The following JPH3 variants were observed in gnomAD, a reference collection of about 807,000 sequenced individuals.
JPH3 encodes the protein junctophilin-3.
Under a neutral mutation model 59.6 loss-of-function variants are expected in JPH3, and 11 were observed. The observed-to-expected ratio is 0.18, with a 90% CI of 0.12 to 0.31. The LOEUF (loss-of-function observed/expected upper bound fraction) is 0.31. Among genes scored for constraint, JPH3 ranks in the 10% least tolerant of loss-of-function variants. JPH3 has a pLI of 1.00. For synonymous variants in JPH3, 673 were observed against 483.6 expected, an observed-to-expected ratio of 1.39 and a Z score of -5.14; for missense variants, 1,202 against 1,105.7, an observed-to-expected ratio of 1.09 and a Z score of -1.24.
intron 1 of JPH3, among the ~76,000 whole-genome samples, chr16:87,637,012 C>T (rs895048701): frequency 2.6e-5 from 4 of 152,226 alleles, no homozygotes; most frequent in African/African-American, 9.6e-5. Flanking sequence ...GTCAGGCCTC[C>T]ACAAGGCCCT....
intron 2 of JPH3, among the ~76,000 whole-genome samples, chr16:87,677,215 CACACACACACAAAAAA>C (rs1371114383): frequency 2.2e-4 from 28 of 125,702 alleles, no homozygotes; most frequent in African/African-American, 9.4e-4. Context: ...CACACACACA[CACACACACACAAAAAA>C]AAAAATTAGC....
At chr16:87,641,132 G>T (rs2031936722) in intron 1 of JPH3, among the ~76,000 whole-genome samples, 1 of 152,240 alleles carries the variant, frequency 6.6e-6, no homozygotes, top group Non-Finnish European at 1.5e-5. Flanking sequence ...TGCCCCCAGT[G>T]CTGGGACCTC....
Position 87,674,822 on chromosome 16 carries a change from G to A in JPH3, c.1161-9320G>A, listed in dbSNP as rs897578791. 5.5e-4 allele frequency among the ~76,000 whole-genome samples: 84 copies of A among 152,046 alleles called. 1 individual carries two copies. Among genetic ancestry groups the A allele is most frequent in the Non-Finnish European group, 1.5e-4 (10 of 68,008 alleles). ...GTCGCCCAGGCTGGAATGCAGTGGC[G>A]CGATCTTGTCTCGCTGCAACCTCTG... On this transcript the variant is annotated intron_variant, in intron 2 of 4. Transcript: ENST00000284262.
At chr16:87,620,626 T>C (rs2031151507) in intron 1 of JPH3, among the ~76,000 whole-genome samples, 1 of 152,138 alleles carries the variant, frequency 6.6e-6, no homozygotes, top group African/African-American at 2.4e-5. Context: ...CAGGTTTTGA[T>C]GGTGCTGTTT....
rs2033523232 is a variant in JPH3 at position 87,690,021 on chromosome 16, A to C, written c.1661A>C (p.Asp554Ala). 2.0e-6 allele frequency: 3 copies of C among 1,531,648 alleles called. No individual in the cohort carries two copies. The African/African-American group carries it at 4.2e-5, about 21-fold the overall frequency. The allele number at this position is 1,531,648 out of a possible 1,614,324, so 94.9% of individuals were successfully genotyped here. ...GCCCTGCGCGGCGGCCTGCTCGTGG[A>C]TGACTTCCGCACCCGAGGTTCGGGC... ...SGALRGGLLV[D>A]DFRTRGSGRK... The change falls in exon 4 of 5, where the codon GAT (aspartate) becomes GCT (alanine). Residue 554 changes from aspartate (D) to alanine (A), a missense_variant. Coordinates refer to ENST00000284262, the MANE Select transcript of JPH3 (RefSeq NM_020655.4).
At chr16:87,662,230 C>G (rs1187503282) in intron 2 of JPH3, among the ~76,000 whole-genome samples, 1 of 152,106 alleles carries the variant, frequency 6.6e-6, no homozygotes, top group African/African-American at 2.4e-5. Context: ...GCAAGATATC[C>G]TACGCTGCCG....
intron 1 of JPH3, among the ~76,000 whole-genome samples, chr16:87,626,547 A>C (rs971077742): frequency 6.6e-6 from 1 of 152,224 alleles, no homozygotes; most frequent in Non-Finnish European, 1.5e-5. Context: ...GTGCCGGCTC[A>C]TAGCTACACA....
chr16:87,606,768 C>G (rs2030536371), intron 1 of JPH3, among the ~76,000 whole-genome samples: 1 of 152,178 alleles, frequency 6.6e-6, no homozygotes, highest in African/African-American at 2.4e-5. Flanking sequence ...ATGTCACTTA[C>G]AATGATCATT....
At chr16:87,666,698 G>C (rs1416131338) in intron 2 of JPH3, among the ~76,000 whole-genome samples, 1 of 152,186 alleles carries the variant, frequency 6.6e-6, no homozygotes, top group African/African-American at 2.4e-5. Flanking sequence ...GTCTCCCACA[G>C]TGCTGGGATT....
chr16:87,676,744 TTG>T (rs2033150460), intron 2 of JPH3, among the ~76,000 whole-genome samples: 1 of 148,070 alleles, frequency 6.8e-6, no homozygotes, highest in Admixed American at 6.7e-5. Context: ...AAAAAAAAAA[TTG>T]TTATCTCAGC....
chr16:87,643,493 C>G (rs1301569201), intron 1 of JPH3, among the ~76,000 whole-genome samples: 1 of 152,094 alleles, frequency 6.6e-6, no homozygotes, highest in Non-Finnish European at 1.5e-5. Context: ...ACTGTGTGGT[C>G]TTCCTGGATA....
chr16:87,664,331 G>GA (rs71389874), intron 2 of JPH3, among the ~76,000 whole-genome samples: 29,865 of 127,394 alleles, frequency 0.23, 4,526 homozygotes, highest in African/African-American at 0.45. Context: ...GACTCTGTCT[G>GA]AAAAAAAAAA....
chr16:87,630,335 A>C (rs2031525266), intron 1 of JPH3, among the ~76,000 whole-genome samples: 1 of 152,076 alleles, frequency 6.6e-6, no homozygotes, highest in African/African-American at 2.4e-5. Flanking sequence ...TGCCACAATC[A>C]TCTTCCTCAC....
intron 2 of JPH3, among the ~76,000 whole-genome samples, chr16:87,677,222 AC>A (rs60578289): frequency 0.021 from 2,540 of 119,178 alleles, 41 homozygotes; most frequent in Admixed American, 0.033. Context: ...ACACACACAC[AC>A]ACAAAAAAAA....
intron 2 of JPH3, among the ~76,000 whole-genome samples, chr16:87,652,410 T>C (rs1427542330): frequency 1.3e-5 from 2 of 152,276 alleles, no homozygotes; most frequent in East Asian, 1.9e-4. Flanking sequence ...AGATTTGCAA[T>C]TTTTTAAGAT....
chr16:87,694,157 G>A (rs1029765525), intron 4 of JPH3: 1 of 152,338 alleles, frequency 6.6e-6, no homozygotes, highest in Non-Finnish European at 1.5e-5. Flanking sequence ...ACTGGACCAG[G>A]AGGAGGAGGG....
chr16:87,632,323 G>T (rs1466192386), intron 1 of JPH3, among the ~76,000 whole-genome samples: 1 of 152,244 alleles, frequency 6.6e-6, no homozygotes, highest in Non-Finnish European at 1.5e-5. Context: ...CCTCTGCCTG[G>T]TGGGCTTGTC....
intron 1 of JPH3, among the ~76,000 whole-genome samples, chr16:87,633,860 C>G (rs995009397): frequency 1.3e-5 from 2 of 152,014 alleles, no homozygotes; most frequent in African/African-American, 4.8e-5. Flanking sequence ...CTCTTATAGT[C>G]TTTTCTGAGG....
chr16:87,697,802 C>T lies in JPH3; in HGVS notation c.*1142C>T, dbSNP rs1441195972. ...GTACAATGTAACTTGTTCAGTCCAA[C>T]AAAAACAGGTTCCTTATGTTTCTGC... is the stretch of plus-strand genomic sequence containing the variant. On this transcript the variant is annotated 3_prime_UTR_variant, in exon 5 of 5. Coordinates refer to ENST00000284262, the MANE Select transcript of JPH3 (RefSeq NM_020655.4). The T allele has an allele frequency of 6.6e-6, 1 of 152,228 alleles. No homozygotes were observed. The highest frequency in any genetic ancestry group is 2.4e-5 in the African/African-American group (1 of 41,458). The allele number at this position is 152,228 out of a possible 1,614,324, so 9.4% of individuals were successfully genotyped here.
Sources: allele counts gnomAD v4.1 joint callset (sites outside exome capture counted in the v4.1 genomes callset), GRCh38; gene constraint gnomAD v4.1.1; transcripts MANE v1.5; gene names NCBI Gene and HGNC (gene_info 2026-07-23, HGNC 2026-07-21).